Variants in SH3GL2 observed in about 807,000 individuals in gnomAD.
SH3GL2 encodes the protein SH3 domain containing GRB2 like 2, endophilin A1.
SH3GL2 carries 24 observed loss-of-function variants against 46.0 expected under a neutral mutation model. The ratio of observed to expected loss-of-function variants is 0.52; its 90% CI spans 0.38 to 0.73. The LOEUF (loss-of-function observed/expected upper bound fraction) is 0.73, where lower values mean the gene tolerates loss of function less well. Ranked by LOEUF, SH3GL2 falls within the 30% of genes least tolerant of loss-of-function variation. SH3GL2 has a pLI of 0.00. For synonymous variants in SH3GL2, 196 were observed against 147.1 expected (o/e 1.33, Z -2.40); for missense variants, 413 against 424.2 (o/e 0.97, Z 0.23).
At chr9:17,709,655 T>C (rs1476285747) in intron 1 of SH3GL2, among the ~76,000 whole-genome samples, 1 of 146,748 alleles carries the variant, frequency 6.8e-6, no homozygotes, top group Non-Finnish European at 1.5e-5. Context: ...TATGTGTGTG[T>C]ATATATAGTT....
intron 1 of SH3GL2, among the ~76,000 whole-genome samples, chr9:17,733,864 G>A (rs562742505): frequency 1.0e-4 from 14 of 138,600 alleles, no homozygotes; most frequent in Middle Eastern, 3.6e-3. Context: ...GTAAACTATC[G>A]CAAGAACAAA....
Position 17,761,452 on chromosome 9 carries a change from A to G in SH3GL2, c.130A>G (p.Ser44Gly). Reference protein sequence around the residue: ...KEMERKVDVTSRAVMEIMTKT... With the variant: ...KEMERKVDVTGRAVMEIMTKT... Reference sequence around the variant, plus strand: ...CTCATTTCAGAAAGTGGATGTCACCAGCAGGGCTGTGATGGAAATAATGAC... The same window carrying G: ...CTCATTTCAGAAAGTGGATGTCACCGGCAGGGCTGTGATGGAAATAATGAC... Residue 44 changes from serine to glycine, a missense_variant, in exon 3 of 9, where the codon AGC (serine) becomes GGC (glycine). Transcript: ENST00000380607. The G allele has an allele frequency of 3.7e-6, 6 of 1,606,346 alleles. No individual in the cohort carries two copies. The highest frequency in any genetic ancestry group is 5.1e-6 in the Non-Finnish European group (6 of 1,172,850).
intron 1 of SH3GL2, among the ~76,000 whole-genome samples, chr9:17,581,727 T>G (rs1308372123): frequency 6.6e-6 from 1 of 152,162 alleles, no homozygotes; most frequent in East Asian, 1.9e-4. Context: ...AGACAAAGTT[T>G]GACTCTTGTC....
chr9:17,662,599 A>G (rs1052182920), intron 1 of SH3GL2, among the ~76,000 whole-genome samples: 1 of 151,770 alleles, frequency 6.6e-6, no homozygotes, highest in African/African-American at 2.4e-5. Context: ...ATACAGACTC[A>G]TGTTTGACCC....
chr9:17,758,744 G>A (rs1412340478), intron 2 of SH3GL2, among the ~76,000 whole-genome samples: 2 of 148,640 alleles, frequency 1.3e-5, no homozygotes, highest in Non-Finnish European at 3.0e-5. Context: ...ATTTTATGTT[G>A]TAGTCAAAAG....
At chr9:17,678,350 C>G (rs1181721222) in intron 1 of SH3GL2, among the ~76,000 whole-genome samples, 2 of 152,148 alleles carry the variant, frequency 1.3e-5, no homozygotes, top group East Asian at 3.9e-4. Context: ...GATGGTATCT[C>G]ATTGTGGTTT....
intron 1 of SH3GL2, among the ~76,000 whole-genome samples, chr9:17,634,507 G>A (rs1819499994): frequency 1.3e-5 from 2 of 152,114 alleles, no homozygotes; most frequent in Non-Finnish European, 1.5e-5. Flanking sequence ...TTCTTGCTAT[G>A]CCTAGTATAA....
chr9:17,762,372 G>C (rs1478887612), intron 3 of SH3GL2, among the ~76,000 whole-genome samples: 9 of 149,688 alleles, frequency 6.0e-5, no homozygotes, highest in Non-Finnish European at 1.3e-4. Context: ...AATGAGTTTG[G>C]ATACTGAGCA....
At chr9:17,616,795 A>G (rs1443941896) in intron 1 of SH3GL2, among the ~76,000 whole-genome samples, 2 of 152,048 alleles carry the variant, frequency 1.3e-5, no homozygotes, top group Non-Finnish European at 2.9e-5. Flanking sequence ...TTATTGTCTG[A>G]TTTTTATACC....
rs147286545 is a variant in SH3GL2 at position 17,675,158 on chromosome 9, G to T, written c.46-71908G>T. On this transcript the variant is annotated intron_variant, in intron 1 of 8. Transcript: ENST00000380607. ...ATCTCACATGCTTTAAACTTCGTATGTCTTATTTCCTTCCTTAGTAGGTCA... is the reference window on the plus strand; with the variant it reads ...ATCTCACATGCTTTAAACTTCGTATTTCTTATTTCCTTCCTTAGTAGGTCA... Among the ~76,000 whole-genome samples, 6 of 152,264 alleles carry T rather than the reference G, an allele frequency of 3.9e-5. No homozygotes were observed. The East Asian group carries it at 1.2e-3, about 29-fold the overall frequency.
At chr9:17,712,650 C>T (rs549918953) in intron 1 of SH3GL2, among the ~76,000 whole-genome samples, 137 of 151,950 alleles carry the variant, frequency 9.0e-4, no homozygotes, top group Non-Finnish European at 1.4e-3. Flanking sequence ...ATTATTTATT[C>T]TGTAGCAGTG....
Position 17,721,407 on chromosome 9 carries a change from T to C in SH3GL2, c.46-25659T>C, listed in dbSNP as rs578223189. On this transcript the variant is annotated intron_variant, in intron 1 of 8. Transcript: ENST00000380607. ...GGACTTAGTTTTCTGTTAATCTTTT[T>C]TATATGTATATTTTAACAGGATCAT... Among the ~76,000 whole-genome samples the C allele has an allele frequency of 9.9e-5, 15 of 152,278 alleles. No individual in the cohort carries two copies. The East Asian group carries it at 2.9e-3, about 29-fold the overall frequency.
At chr9:17,669,315 T>C (rs925562509) in intron 1 of SH3GL2, among the ~76,000 whole-genome samples, 2 of 152,290 alleles carry the variant, frequency 1.3e-5, no homozygotes, top group Admixed American at 1.3e-4. Flanking sequence ...TTTACTTCGG[T>C]GCCATTCTGT....
At chr9:17,660,730 G>T (rs1438708646) in intron 1 of SH3GL2, among the ~76,000 whole-genome samples, 1 of 152,130 alleles carries the variant, frequency 6.6e-6, no homozygotes, top group Non-Finnish European at 1.5e-5. Context: ...GTTTCTTCCA[G>T]TACTGAACTT....
chr9:17,662,953 C>G (rs1012311616), intron 1 of SH3GL2, among the ~76,000 whole-genome samples: 2 of 152,186 alleles, frequency 1.3e-5, no homozygotes, highest in Non-Finnish European at 2.9e-5. Flanking sequence ...TCGTGATCTG[C>G]CCGCCTCCCA....
At chr9:17,716,535 C>A (rs1008396334) in intron 1 of SH3GL2, among the ~76,000 whole-genome samples, 1 of 152,166 alleles carries the variant, frequency 6.6e-6, no homozygotes, top group Non-Finnish European at 1.5e-5. Flanking sequence ...AGGCACTCTT[C>A]CTGGCCCCAT....
At chr9:17,632,479 T>C (rs756962475) in intron 1 of SH3GL2, among the ~76,000 whole-genome samples, 1 of 152,224 alleles carries the variant, frequency 6.6e-6, no homozygotes, top group Non-Finnish European at 1.5e-5. Context: ...CATATTGGGC[T>C]GTCCGGGTGA....
intron 1 of SH3GL2, among the ~76,000 whole-genome samples, chr9:17,579,613 A>G (rs962006306): frequency 6.6e-6 from 1 of 152,132 alleles, no homozygotes; most frequent in Non-Finnish European, 1.5e-5. Flanking sequence ...CGCGGCGCGC[A>G]GGTGCCTTGG....
chr9:17,666,700 G>A (rs75330949), intron 1 of SH3GL2, among the ~76,000 whole-genome samples: 15,210 of 151,854 alleles, frequency 0.1, 974 homozygotes, highest in Admixed American at 0.18. Flanking sequence ...TTTGCGATTC[G>A]GAAACACTGT....
Sources: allele counts gnomAD v4.1 joint callset (sites outside exome capture counted in the v4.1 genomes callset), GRCh38; gene constraint gnomAD v4.1.1; transcripts MANE v1.5; gene names NCBI Gene and HGNC (gene_info 2026-07-23, HGNC 2026-07-21).